Variants in KIF13B observed in about 807,000 individuals in gnomAD.
KIF13B encodes kinesin family member 13B.
In KIF13B, 127 loss-of-function variants were observed where a neutral mutation model predicts 222.0. That is an observed-to-expected ratio of 0.57 (90% CI 0.50 to 0.66). KIF13B has a LOEUF of 0.66. Ranked by LOEUF, KIF13B falls within the 30% of genes least tolerant of loss-of-function variation. The pLI is 0.00. For synonymous variants in KIF13B, 976 were observed against 919.0 expected (o/e 1.06, Z -1.12); for missense variants, 2,173 against 2,379.0 (o/e 0.91, Z 1.80).
At chr8:29,193,965 C>T (rs1005257780) in intron 3 of KIF13B, among the ~76,000 whole-genome samples, 3 of 151,468 alleles carry the variant, frequency 2.0e-5, no homozygotes, top group African/African-American at 7.3e-5. Flanking sequence ...CTACAGGCGC[C>T]CGCTACCACG....
intron 2 of KIF13B, among the ~76,000 whole-genome samples, chr8:29,204,183 T>G (rs1813827189): frequency 6.6e-6 from 1 of 152,162 alleles, no homozygotes; most frequent in Admixed American, 6.6e-5. Context: ...CAGAGGGACA[T>G]CCAAGCAATA....
At chr8:29,247,291 G>A (rs1016325570) in intron 1 of KIF13B, among the ~76,000 whole-genome samples, 24 of 152,288 alleles carry the variant, frequency 1.6e-4, no homozygotes, top group African/African-American at 5.3e-4. Context: ...GGGAGGCTGA[G>A]GTGGGAGGAT....
intron 2 of KIF13B, among the ~76,000 whole-genome samples, chr8:29,214,064 A>C (rs1814363887): frequency 6.6e-6 from 1 of 152,262 alleles, no homozygotes; most frequent in Admixed American, 6.5e-5. Flanking sequence ...TGCAGTTTGC[A>C]GGACTGGCCA....
chr8:29,200,330 C>T (rs1813636652), intron 2 of KIF13B, among the ~76,000 whole-genome samples: 1 of 152,188 alleles, frequency 6.6e-6, no homozygotes, highest in Non-Finnish European at 1.5e-5. Flanking sequence ...AATTAGAAAC[C>T]TCAACTATCC....
chr8:29,072,039 T>C lies in KIF13B; in HGVS notation c.4799A>G (p.Glu1600Gly), dbSNP rs553708749. ...APPGSMPTAP[E>G]AEPEAPISHP... ...GCTGATGGGCGCCTCGGGCTCGGCCTCAGGGGCGGTGGGCATGGACCCCGG... is the reference window on the plus strand; with the variant it reads ...GCTGATGGGCGCCTCGGGCTCGGCCCCAGGGGCGGTGGGCATGGACCCCGG... The change falls in exon 39 of 40, where the codon GAG (glutamate) becomes GGG (glycine). Residue 1600 changes from glutamate to glycine, a missense_variant. This residue lies in a region of KIF13B where 693 missense variants were observed against 656.2 expected (regional missense o/e 1.06). Coordinates refer to ENST00000524189, the MANE Select transcript of KIF13B (RefSeq NM_015254.4). The C allele has an allele frequency of 1.1e-5, 14 of 1,298,716 alleles. No homozygotes were observed. The South Asian group carries it at 3.2e-4, about 30-fold the overall frequency. 80.4% of individuals were successfully genotyped at this position (1,298,716 alleles called of 1,614,324 possible).
chr8:29,244,588 A>G (rs1412177446), intron 2 of KIF13B, among the ~76,000 whole-genome samples: 1 of 152,166 alleles, frequency 6.6e-6, no homozygotes, highest in Non-Finnish European at 1.5e-5. Context: ...ATACTCAAAA[A>G]CTGCCAAAAA....
At chr8:29,260,741 T>C (rs769633003) in intron 1 of KIF13B, among the ~76,000 whole-genome samples, 10 of 151,920 alleles carry the variant, frequency 6.6e-5, no homozygotes, top group Non-Finnish European at 1.5e-4. Context: ...CTCAGCCTCC[T>C]TAGTAGCTGG....
chr8:29,227,455 A>G (rs745797358), intron 2 of KIF13B, among the ~76,000 whole-genome samples: 7 of 152,108 alleles, frequency 4.6e-5, no homozygotes, highest in Non-Finnish European at 8.8e-5. Context: ...ACACCCGGCT[A>G]ATTTTTGTAT....
Position 29,071,608 on chromosome 8 carries a change from C to T in KIF13B, c.5218+12G>A. The T allele has an allele frequency of 6.5e-7, 1 of 1,547,376 alleles. No individual in the cohort carries two copies. The highest frequency in any genetic ancestry group is 8.7e-7 in the Non-Finnish European group (1 of 1,146,638). On this transcript the variant is annotated intron_variant, in intron 39 of 39. Transcript: ENST00000524189. This position sits in a 1 kb window ranked among gnomAD's most constrained non-coding sequence, Gnocchi z 4.9. ...CGGCACCACCCTGGAGCCCGGAGTG[C>T]CCGGTACCCACCTGAGGGCAGGTCG...
intron 31 of KIF13B, 62 bp from the exon 32 acceptor site, chr8:29,113,617 A>G: frequency 2.1e-6 from 2 of 973,146 alleles, no homozygotes; most frequent in Admixed American, 4.4e-5. Flanking sequence ...TACATTAACA[A>G]AAGACAGCAT....
chr8:29,100,914 C>T (rs1808756809), intron 35 of KIF13B, among the ~76,000 whole-genome samples: 1 of 152,134 alleles, frequency 6.6e-6, no homozygotes, highest in Non-Finnish European at 1.5e-5. Flanking sequence ...TCAATAAGCC[C>T]TAAGTGATCT....
At chr8:29,074,887 TAA>T (rs1807480127) in intron 38 of KIF13B, among the ~76,000 whole-genome samples, 1 of 152,224 alleles carries the variant, frequency 6.6e-6, no homozygotes, top group Non-Finnish European at 1.5e-5. Context: ...TGGGAGATTA[TAA>T]GAGACTATTT....
intron 2 of KIF13B, among the ~76,000 whole-genome samples, chr8:29,224,532 G>A (rs529771557): frequency 1.2e-4 from 19 of 152,264 alleles, no homozygotes; most frequent in Non-Finnish European, 2.6e-4. Flanking sequence ...ATTTGTATTG[G>A]TGACAAAGTC....
intron 1 of KIF13B, among the ~76,000 whole-genome samples, chr8:29,248,390 C>T (rs894608768): frequency 2.6e-5 from 4 of 152,096 alleles, no homozygotes; most frequent in African/African-American, 7.2e-5. Flanking sequence ...TTTCACACTG[C>T]GATAAAGATA....
At chr8:29,239,090 C>A (rs1239622720) in intron 2 of KIF13B, among the ~76,000 whole-genome samples, 1 of 152,118 alleles carries the variant, frequency 6.6e-6, no homozygotes, top group Non-Finnish European at 1.5e-5. Context: ...ACAGGATAAA[C>A]TCTAGGCTGA....
chr8:29,078,089 C>G (rs1586745724), intron 37 of KIF13B, among the ~76,000 whole-genome samples: 1 of 123,508 alleles, frequency 8.1e-6, no homozygotes, highest in East Asian at 2.2e-4. Context: ...TTGGGACCAG[C>G]CTGGCCAACA....
intron 2 of KIF13B, among the ~76,000 whole-genome samples, chr8:29,214,831 C>T (rs891026959): frequency 1.3e-5 from 2 of 152,138 alleles, no homozygotes; most frequent in Non-Finnish European, 2.9e-5. Context: ...GGCTGTGATG[C>T]CACTAAGTGA....
At chr8:29,107,798 G>A (rs1809160055) in intron 35 of KIF13B, among the ~76,000 whole-genome samples, 1 of 152,060 alleles carries the variant, frequency 6.6e-6, no homozygotes, top group Non-Finnish European at 1.5e-5. Context: ...CTGACCTCGT[G>A]ATCCGCCCTC....
intron 1 of KIF13B, among the ~76,000 whole-genome samples, chr8:29,255,053 T>C (rs146930649): frequency 7.9e-4 from 121 of 152,282 alleles, no homozygotes; most frequent in African/African-American, 2.6e-3. Flanking sequence ...CCACATAATA[T>C]AGGATTCCAT....
Sources: allele counts gnomAD v4.1 joint callset (sites outside exome capture counted in the v4.1 genomes callset), GRCh38; gene constraint gnomAD v4.1.1; regional missense constraint gnomAD v4.1.1; non-coding constraint Gnocchi (gnomAD v3.1); transcripts MANE v1.5; gene names NCBI Gene and HGNC (gene_info 2026-07-23, HGNC 2026-07-21).